Variants in CHFR observed in about 807,000 individuals in gnomAD.
CHFR encodes the protein E3 ubiquitin-protein ligase CHFR.
A neutral mutation model predicts 87.6 loss-of-function variants in CHFR; 57 were observed. The observed-to-expected ratio is 0.65, with a 90% CI of 0.53 to 0.81. The LOEUF (loss-of-function observed/expected upper bound fraction) is 0.81. Among genes scored for constraint, CHFR ranks in the 30% least tolerant of loss-of-function variants. The probability of loss-of-function intolerance (pLI) is 0.00; values close to 1 mark genes in which losing one functional copy is unlikely to be tolerated. For missense variants in CHFR, 797 were observed against 865.8 expected, an observed-to-expected ratio of 0.92 and a Z score of 1.00; for synonymous variants, 381 against 359.2, an observed-to-expected ratio of 1.06 and a Z score of -0.69.
rs1950636648 is a variant in CHFR at position 132,835,055 on chromosome 12, G to C, written c.*6499C>G. 1 of 152,244 alleles carries C rather than the reference G, an allele frequency of 6.6e-6. No homozygotes were observed. The highest frequency in any genetic ancestry group is 1.5e-5 in the Non-Finnish European group (1 of 68,098). The allele number at this position is 152,244 out of a possible 1,614,324, so 9.4% of individuals were successfully genotyped here. ...TTACAACGACTCCTACTGTTGCACA[G>C]AGGGCCCACAAGCTAATCCAGGATC... On this transcript the variant is annotated 3_prime_UTR_variant, in exon 18 of 18. Transcript: ENST00000450056.
At position 132,877,576 on chromosome 12, in the gene CHFR, T is replaced by C. The variant is rs763356188; in HGVS notation, c.212A>G (p.Gln71Arg). The change falls in exon 3 of 18, where the codon CAG becomes CGG. Residue 71 changes from glutamine (Q) to arginine (R), a missense_variant. Gln to Arg is a conservative substitution (Grantham distance 43). Transcript: ENST00000450056. The stretch of plus-strand genomic sequence containing the variant: ...TCACCTGGTATCTTCCAGTGTCACC[T>C]GACCTGATTTTTCATCCACTACAAT... The part of the protein sequence containing the change: ...CRIVVDEKSG[Q>R]VTLEDTSTSG... 3.1e-6 allele frequency: 5 copies of C among 1,612,316 alleles called. No homozygotes were observed. The highest frequency in any genetic ancestry group is 1.7e-4 in the Middle Eastern group (1 of 6,060).
chr12:132,853,490 T>A lies in CHFR; in HGVS notation c.1313A>T (p.Glu438Val). 6.5e-7 allele frequency: 1 copy of A among 1,534,802 alleles called. No individual in the cohort carries two copies. The highest frequency in any genetic ancestry group is 8.7e-7 in the Non-Finnish European group (1 of 1,147,322). ...QPPHCPAPEG[E>V]PGAPQALGDA... ...CCCCAGGGCCTGTGGGGCTCCTGGC[T>A]CGCCCTCGGGTGCTGGGCAGTGGGG... is the stretch of plus-strand genomic sequence containing the variant. Residue 438 changes from glutamate to valine, a missense_variant, in exon 11 of 18, where the codon GAG (glutamate) becomes GTG (valine). Coordinates refer to ENST00000450056, the MANE Select transcript of CHFR (RefSeq NM_001161346.2).
chr12:132,878,588 G>C (rs1295368862), intron 2 of CHFR, among the ~76,000 whole-genome samples: 1 of 151,584 alleles, frequency 6.6e-6, no homozygotes, highest in Non-Finnish European at 1.5e-5. Context: ...CTCACACCGA[G>C]GCGGGCAGAT....
At chr12:132,883,099 A>G (rs1258500273) in intron 2 of CHFR, 1 of 152,154 alleles carries the variant, frequency 6.6e-6, no homozygotes, top group Non-Finnish European at 1.5e-5. Flanking sequence ...AAATCTTTCA[A>G]GCAGTTGATG....
At chr12:132,853,726 C>A in intron 10 of CHFR, 153 bp from the exon 11 acceptor site, 1 of 869,502 alleles carries the variant, frequency 1.2e-6, no homozygotes, top group African/African-American at 1.8e-5. Flanking sequence ...CTGTCCAGCA[C>A]CCCAGTGTTA....
intron 3 of CHFR, among the ~76,000 whole-genome samples, chr12:132,874,811 C>G (rs1362294312): frequency 6.7e-6 from 1 of 149,350 alleles, no homozygotes; most frequent in Non-Finnish European, 1.5e-5. Flanking sequence ...AAGCCAGGCC[C>G]TGGAACAGGC....
intron 6 of CHFR, chr12:132,867,732 C>G (rs1048273887): frequency 6.6e-6 from 1 of 152,010 alleles, no homozygotes; most frequent in Non-Finnish European, 1.5e-5. Context: ...TGTAAGAACG[C>G]GAGAGCCAAG....
At position 132,836,785 on chromosome 12, in the gene CHFR, C is replaced by G. The variant is rs1468448609; in HGVS notation, c.*4769G>C. ...TTTGTGCCGCGGGAAAGATTTCAAGCCCAGGGGACGGCTCATCAGCTCATC... is the reference window on the plus strand; with the variant it reads ...TTTGTGCCGCGGGAAAGATTTCAAGGCCAGGGGACGGCTCATCAGCTCATC... On this transcript the variant is annotated 3_prime_UTR_variant, in exon 18 of 18. Coordinates refer to ENST00000450056, the MANE Select transcript of CHFR (RefSeq NM_001161346.2). 3 of 455,896 alleles carry G rather than the reference C, an allele frequency of 6.6e-6. No individual in the cohort carries two copies. Among genetic ancestry groups the G allele is most frequent in the East Asian group, 1.4e-4 (2 of 14,410 alleles). The allele number at this position is 455,896 out of a possible 1,614,324, so 28.2% of individuals were successfully genotyped here. A position where few individuals can be genotyped will look rare whatever the true frequency, so the allele number is the denominator to read the frequency against.
rs1489596045 is a variant in CHFR at position 132,887,215 on chromosome 12, C to A, written c.114G>T (p.Trp38Cys). 6.7e-7 allele frequency: 1 copy of A among 1,500,028 alleles called. No homozygotes were observed. Among genetic ancestry groups the A allele is most frequent in the Non-Finnish European group, 8.8e-7 (1 of 1,131,392 alleles). 92.9% of individuals were successfully genotyped at this position (1,500,028 alleles called of 1,614,324 possible). A position where few individuals can be genotyped will look rare whatever the true frequency, so the allele number is the denominator to read the frequency against. Residue 38 changes from tryptophan (W) to cysteine (C), a missense_variant, in exon 2 of 18, where the codon TGG becomes TGT. Physicochemically the swap from Trp to Cys is radical, Grantham distance 215. This residue lies in a region of CHFR where 597 missense variants were observed against 601.2 expected (regional missense o/e 0.99). Transcript: ENST00000450056. ...CCGCACCTCGTCTCCGCCCGATGGTCCACTCCCGCTTCCTCAGGAGGACGT... is the reference window on the plus strand; with the variant it reads ...CCGCACCTCGTCTCCGCCCGATGGTACACTCCCGCTTCCTCAGGAGGACGT... ...EPHVLLRKRE[W>C]TIGRRRGCDL...
At chr12:132,851,937 T>C (rs931855656) in intron 11 of CHFR, among the ~76,000 whole-genome samples, 200 bp from the exon 12 acceptor site, 4 of 151,968 alleles carry the variant, frequency 2.6e-5, no homozygotes, top group African/African-American at 4.8e-5. Flanking sequence ...TAACCAAAAA[T>C]GATCTTTGAT....
chr12:132,856,484 C>T lies in CHFR; in HGVS notation c.1213G>A (p.Glu405Lys). The change falls in exon 10 of 18, where the codon GAG becomes AAG. Residue 405 changes from glutamate to lysine, a missense_variant. Physicochemically the swap from Glu to Lys is moderately conservative, Grantham distance 56 (BLOSUM62 1). Coordinates refer to ENST00000450056, the MANE Select transcript of CHFR (RefSeq NM_001161346.2). Reference sequence around the variant, plus strand: ...ATGATTTACCTAATGTCTGAGGACTCACTGTCAACGTCTGACAGCTCCAGC... The same window carrying T: ...ATGATTTACCTAATGTCTGAGGACTTACTGTCAACGTCTGACAGCTCCAGC... ...DLLELSDVDS[E>K]SSDISQPYVV... is the part of the protein sequence containing the mutation. The T allele has an allele frequency of 1.2e-6, 2 of 1,614,122 alleles. No individual in the cohort carries two copies. Among genetic ancestry groups the T allele is most frequent in the Non-Finnish European group, 1.7e-6 (2 of 1,180,044 alleles).
rs143973086 is a variant in CHFR at position 132,849,228 on chromosome 12, C to A, written c.1493-504G>T. ...CCTCTCAAAGCGCTAGGATTACAGG[C>A]ATGATGCACTGCGCCCGGCCTCAGA... On this transcript the variant is annotated intron_variant, in intron 12 of 17. Coordinates refer to ENST00000450056, the MANE Select transcript of CHFR (RefSeq NM_001161346.2). 702 of 153,434 alleles carry A rather than the reference C, an allele frequency of 4.6e-3. 6 individuals are homozygous for A. The highest frequency in any genetic ancestry group is 7.8e-3 in the Non-Finnish European group (534 of 68,836). The allele number at this position is 153,434 out of a possible 1,614,324, so 9.5% of individuals were successfully genotyped here. A position where few individuals can be genotyped will look rare whatever the true frequency, so the allele number is the denominator to read the frequency against.
rs1025932353 is a variant in CHFR at position 132,834,836 on chromosome 12, C to A, written c.*6718G>T. On this transcript the variant is annotated 3_prime_UTR_variant, in exon 18 of 18. Coordinates refer to ENST00000450056, the MANE Select transcript of CHFR (RefSeq NM_001161346.2). ...GTTCAAGCCATTCTCCTGCCTCAGC[C>A]TCCCGAGTAGCTGGGACTACAGGCA... 4.6e-5 allele frequency: 7 copies of A among 152,224 alleles called. No homozygotes were observed. Among genetic ancestry groups the A allele is most frequent in the Admixed American group, 4.6e-4 (7 of 15,276 alleles). The allele number at this position is 152,224 out of a possible 1,614,324, so 9.4% of individuals were successfully genotyped here.
At position 132,887,245 on chromosome 12, in the gene CHFR, C is replaced by T; in HGVS notation, c.84G>A (p.Glu28=). 1 of 1,503,910 alleles carries T rather than the reference C, an allele frequency of 6.6e-7. No homozygotes were observed. Among genetic ancestry groups the T allele is most frequent in the Non-Finnish European group, 8.8e-7 (1 of 1,133,156 alleles). 93.2% of individuals were successfully genotyped at this position (1,503,910 alleles called of 1,614,324 possible). Reference sequence around the variant, plus strand: ...CCCGCTTCCTCAGGAGGACGTGCGGCTCGCCCTCCTCCGCGCCCAGACGCA... The same window carrying T: ...CCCGCTTCCTCAGGAGGACGTGCGGTTCGCCCTCCTCCGCGCCCAGACGCA... ...RLLRLGAEEG[E]PHVLLRKREW... Residue 28 remains glutamate, a synonymous_variant, in exon 2 of 18, where the codon GAG becomes GAA. Transcript: ENST00000450056.
At position 132,838,939 on chromosome 12, in the gene CHFR, C is replaced by T. The variant is rs1950668921; in HGVS notation, c.*2615G>A. ...GATAACTGCCCTGCTCCCAAGGCCT[C>T]CTCCCTCACATCACAGCCAAACCCA... On this transcript the variant is annotated 3_prime_UTR_variant, in exon 18 of 18. Transcript: ENST00000450056. 1 of 152,524 alleles carries T rather than the reference C, an allele frequency of 6.6e-6. No individual in the cohort carries two copies. Among genetic ancestry groups the T allele is most frequent in the South Asian group, 2.1e-4 (1 of 4,840 alleles). 9.4% of individuals were successfully genotyped at this position (152,524 alleles called of 1,614,324 possible).
At chr12:132,859,269 A>T (rs532896158) in intron 7 of CHFR, 42 bp from the exon 8 acceptor site, 168 of 1,575,128 alleles carry the variant, frequency 1.1e-4, no homozygotes, top group Non-Finnish European at 1.4e-4. Flanking sequence ...CCAAGAAGGA[A>T]ATACACGCAG....
intron 6 of CHFR, chr12:132,862,475 G>C (rs1035544978): frequency 4.5e-6 from 2 of 442,238 alleles, no homozygotes; most frequent in Non-Finnish European, 4.5e-6. Flanking sequence ...GTGACAGTAC[G>C]AGCATATGGT....
At chr12:132,874,135 C>T (rs1268427102) in intron 3 of CHFR, among the ~76,000 whole-genome samples, 2 of 152,258 alleles carry the variant, frequency 1.3e-5, no homozygotes, top group African/African-American at 4.8e-5. Context: ...GGATTTTAGC[C>T]CCATCAGACC....
intron 7 of CHFR, 97 bp downstream of exon 7, chr12:132,861,370 C>T: frequency 7.9e-7 from 1 of 1,273,132 alleles, no homozygotes; most frequent in Non-Finnish European, 1.1e-6. Context: ...CATGCCCCTG[C>T]AGGAAGCAAT....
Sources: allele counts gnomAD v4.1 joint callset (sites outside exome capture counted in the v4.1 genomes callset), GRCh38; gene constraint gnomAD v4.1.1; regional missense constraint gnomAD v4.1.1; transcripts MANE v1.5; gene names NCBI Gene and HGNC (gene_info 2026-07-23, HGNC 2026-07-21).